HMGCLL1: variants seen among roughly 807,000 people sequenced by gnomAD.
The protein encoded by HMGCLL1 is 3-hydroxy-3-methylglutaryl-CoA lyase like 1.
In HMGCLL1, 36 loss-of-function variants were observed where a neutral mutation model predicts 39.1. The observed-to-expected ratio is 0.92, with a 90% confidence interval of 0.71 to 1.22. The LOEUF is 1.22. Among genes scored for constraint, HMGCLL1 ranks in the 50% most tolerant of loss-of-function variants. HMGCLL1 has a pLI of 0.00. For missense variants in HMGCLL1, 451 were observed against 416.5 expected (o/e 1.08, Z -0.72); for synonymous variants, 149 against 144.0 (o/e 1.03, Z -0.25).
At chr6:55,563,543 A>G (rs1478330135) in intron 1 of HMGCLL1, among the ~76,000 whole-genome samples, 1 of 152,078 alleles carries the variant, frequency 6.6e-6, no homozygotes, top group African/African-American at 2.4e-5. Context: ...AATTCAGCCT[A>G]TTTTAAATAT....
intron 1 of HMGCLL1, among the ~76,000 whole-genome samples, chr6:55,565,702 T>C (rs959868866): frequency 6.6e-6 from 1 of 152,084 alleles, no homozygotes; most frequent in African/African-American, 2.4e-5. Context: ...TCCATCTTTT[T>C]TAGCTCAAGT....
chr6:55,669,019 C>T, the HMGCLL1 span, among the ~76,000 whole-genome samples: 3 of 150,774 alleles, frequency 2.0e-5, no homozygotes, highest in African/African-American at 7.3e-5. Flanking sequence ...TCAGACTTCG[C>T]ACAGTAATAG....
the HMGCLL1 span, among the ~76,000 whole-genome samples, chr6:55,658,993 T>C: frequency 3.3e-5 from 5 of 152,052 alleles, no homozygotes; most frequent in African/African-American, 1.2e-4. Context: ...GCAGAGTCTA[T>C]ATGTGTAGAC....
At chr6:55,559,956 T>C (rs761475625) in intron 1 of HMGCLL1, among the ~76,000 whole-genome samples, 1 of 152,104 alleles carries the variant, frequency 6.6e-6, no homozygotes, top group East Asian at 1.9e-4. Context: ...AAGGAAAAAA[T>C]AAACTACTTC....
At chr6:55,492,352 C>A (rs79234634) in intron 7 of HMGCLL1, among the ~76,000 whole-genome samples, 2 of 152,092 alleles carry the variant, frequency 1.3e-5, no homozygotes, top group African/African-American at 2.4e-5. Flanking sequence ...TAAAGTTAAA[C>A]CTGCTTATTG....
At chr6:55,523,335 G>T (rs1206306041) in intron 3 of HMGCLL1, among the ~76,000 whole-genome samples, 1 of 151,968 alleles carries the variant, frequency 6.6e-6, no homozygotes, top group Non-Finnish European at 1.5e-5. Flanking sequence ...TATTCGGGAA[G>T]GACAGCCTGG....
chr6:55,484,622 T>G (rs1433583143), intron 7 of HMGCLL1, among the ~76,000 whole-genome samples: 1 of 152,156 alleles, frequency 6.6e-6, no homozygotes, highest in Non-Finnish European at 1.5e-5. Flanking sequence ...ATCCTTCCAG[T>G]TGCTCACTCG....
chr6:55,514,094 CA>C lies in HMGCLL1; in HGVS notation c.495del (p.Phe165LeufsTer11). 1 of 1,613,128 alleles carries C rather than the reference CA, an allele frequency of 6.2e-7. No individual in the cohort carries two copies. Among genetic ancestry groups the C allele is most frequent in the Non-Finnish European group, 8.5e-7 (1 of 1,179,530 alleles). ...NCSIEESMGK[F>X]EEVVKSARHM... ...TGTCTTGCAGACTTAACAACCTCCTCAAATTTTCCCATACTTTCTTCAATGG... is the reference window on the plus strand; with the variant it reads ...TGTCTTGCAGACTTAACAACCTCCTCAATTTTCCCATACTTTCTTCAATGG... On this transcript the variant is annotated frameshift_variant, in exon 5 of 9. Transcript: ENST00000274901. LOFTEE classifies it high-confidence loss of function.
intron 3 of HMGCLL1, among the ~76,000 whole-genome samples, chr6:55,536,195 T>G (rs946536461): frequency 1.3e-5 from 2 of 152,154 alleles, no homozygotes; most frequent in African/African-American, 4.8e-5. Flanking sequence ...ATTATTTGTC[T>G]TTTACATACA....
At chr6:55,555,177 C>T (rs527275895) in intron 1 of HMGCLL1, among the ~76,000 whole-genome samples, 1 of 152,304 alleles carries the variant, frequency 6.6e-6, no homozygotes, top group South Asian at 2.1e-4. Flanking sequence ...TCATCCTTTG[C>T]CTCTGTTGAA....
At chr6:55,584,714 C>G in the HMGCLL1 span, among the ~76,000 whole-genome samples, 1 of 152,042 alleles carries the variant, frequency 6.6e-6, no homozygotes, top group East Asian at 1.9e-4. Flanking sequence ...TTGAAAGTCT[C>G]TATGCTGACA....
chr6:55,571,713 G>A (rs1416060451), intron 1 of HMGCLL1, among the ~76,000 whole-genome samples: 1 of 152,070 alleles, frequency 6.6e-6, no homozygotes, highest in Non-Finnish European at 1.5e-5. Flanking sequence ...GGAGGCTGAG[G>A]TAGGAGAACT....
the HMGCLL1 span, among the ~76,000 whole-genome samples, chr6:55,592,656 C>G: frequency 0.016 from 2,421 of 152,108 alleles, 61 homozygotes; most frequent in African/African-American, 0.055. Context: ...AGATATCCCC[C>G]TGGAAGGCAA....
the HMGCLL1 span, among the ~76,000 whole-genome samples, chr6:55,658,097 G>A: frequency 6.6e-6 from 1 of 151,754 alleles, no homozygotes; most frequent in East Asian, 2.0e-4. Context: ...GTGACAAGAG[G>A]GGAATCAATA....
chr6:55,616,974 C>A, the HMGCLL1 span, among the ~76,000 whole-genome samples: 2 of 151,864 alleles, frequency 1.3e-5, no homozygotes, highest in Non-Finnish European at 2.9e-5. Flanking sequence ...AGATACAATT[C>A]AAAAAATCTG....
intron 5 of HMGCLL1, among the ~76,000 whole-genome samples, chr6:55,503,739 C>G (rs1767014789): frequency 6.6e-6 from 1 of 151,602 alleles, no homozygotes; most frequent in African/African-American, 2.4e-5. Flanking sequence ...GTTTCCCCTG[C>G]ATTTGCCATT....
intron 7 of HMGCLL1, among the ~76,000 whole-genome samples, chr6:55,468,234 T>C (rs1764877145): frequency 6.6e-6 from 1 of 151,892 alleles, no homozygotes; most frequent in African/African-American, 2.4e-5. Flanking sequence ...TAAATTTAGG[T>C]TTAATGCTTT....
At chr6:55,446,930 T>C (rs1206667922) in intron 7 of HMGCLL1, among the ~76,000 whole-genome samples, 1 of 152,064 alleles carries the variant, frequency 6.6e-6, no homozygotes, top group Non-Finnish European at 1.5e-5. Flanking sequence ...CAGTATTTTA[T>C]TTAATAATCT....
At chr6:55,631,849 T>C in the HMGCLL1 span, among the ~76,000 whole-genome samples, 1 of 152,108 alleles carries the variant, frequency 6.6e-6, no homozygotes. Context: ...CCCTTGGATG[T>C]CAGGTAGGTC....
Sources: allele counts gnomAD v4.1 joint callset (sites outside exome capture counted in the v4.1 genomes callset), GRCh38; gene constraint gnomAD v4.1.1; transcripts MANE v1.5; gene names NCBI Gene and HGNC (gene_info 2026-07-23, HGNC 2026-07-21).